Variants in KHDRBS2 observed in about 807,000 individuals in gnomAD.
KHDRBS2 encodes the protein KH domain-containing, RNA-binding, signal transduction-associated protein 2.
A neutral mutation model predicts 44.3 loss-of-function variants in KHDRBS2; 26 were observed. The observed-to-expected ratio is 0.59, with a 90% CI of 0.43 to 0.81. KHDRBS2 has a LOEUF of 0.81. Among genes scored for constraint, KHDRBS2 ranks in the 40% least tolerant of loss-of-function variants. The probability of loss-of-function intolerance (pLI) is 0.00; values close to 1 mark genes in which losing one functional copy is unlikely to be tolerated. For missense variants in KHDRBS2, 476 were observed against 433.1 expected (o/e 1.10, Z -0.88); for synonymous variants, 194 against 151.1 (o/e 1.28, Z -2.08).
At chr6:61,870,287 C>T (rs538781741) in intron 6 of KHDRBS2, among the ~76,000 whole-genome samples, 17 of 152,126 alleles carry the variant, frequency 1.1e-4, no homozygotes, top group East Asian at 3.9e-4. Context: ...GAAGTTCGAA[C>T]GGGACGGAGC....
chr6:61,662,085 A>G, the KHDRBS2 span, among the ~76,000 whole-genome samples: 1 of 152,134 alleles, frequency 6.6e-6, no homozygotes, highest in African/African-American at 2.4e-5. Context: ...GCCCTCAGAA[A>G]TAATGCTGCA....
the KHDRBS2 span, among the ~76,000 whole-genome samples, chr6:61,673,656 A>G: frequency 7.3e-6 from 1 of 137,866 alleles, no homozygotes. Context: ...CCAAATCATG[A>G]GTGAACTCCC....
chr6:62,264,896 T>A (rs1421908620), intron 1 of KHDRBS2, among the ~76,000 whole-genome samples: 2 of 151,760 alleles, frequency 1.3e-5, no homozygotes, highest in Non-Finnish European at 2.9e-5. Flanking sequence ...GTCCCACAAA[T>A]ACAACTTCAC....
intron 2 of KHDRBS2, among the ~76,000 whole-genome samples, chr6:62,065,528 C>T (rs1793410677): frequency 1.3e-5 from 2 of 149,108 alleles, no homozygotes; most frequent in South Asian, 2.1e-4. Context: ...TAAACTATCG[C>T]AAGAACAAAA....
intron 6 of KHDRBS2, among the ~76,000 whole-genome samples, chr6:61,773,343 T>C (rs1400819006): frequency 2.0e-5 from 3 of 152,016 alleles, no homozygotes; most frequent in African/African-American, 7.2e-5. Context: ...CTAACTGGTG[T>C]GAGATGGTAT....
intron 1 of KHDRBS2, among the ~76,000 whole-genome samples, chr6:62,196,521 T>C (rs933524386): frequency 2.0e-5 from 3 of 152,120 alleles, no homozygotes; most frequent in Non-Finnish European, 4.4e-5. Context: ...AAGCTCCCTG[T>C]ACAGACTCAT....
intron 4 of KHDRBS2, among the ~76,000 whole-genome samples, chr6:61,947,019 A>G (rs1209000052): frequency 3.3e-5 from 5 of 152,202 alleles, no homozygotes; most frequent in Non-Finnish European, 7.3e-5. Flanking sequence ...ATCATCTTTT[A>G]AAATTGTATT....
chr6:61,545,990 C>A, the KHDRBS2 span, among the ~76,000 whole-genome samples: 29,040 of 152,070 alleles, frequency 0.19, 2,910 homozygotes, highest in African/African-American at 0.23. Flanking sequence ...AAGTAAATTT[C>A]TGTTGTTTAA....
At chr6:62,202,816 G>A (rs1827259954) in intron 1 of KHDRBS2, among the ~76,000 whole-genome samples, 1 of 152,086 alleles carries the variant, frequency 6.6e-6, no homozygotes, top group South Asian at 2.1e-4. Flanking sequence ...CTCAAGCAAG[G>A]GATCCCTGTT....
At chr6:61,826,575 T>C (rs1790899161) in intron 6 of KHDRBS2, among the ~76,000 whole-genome samples, 1 of 152,058 alleles carries the variant, frequency 6.6e-6, no homozygotes, top group African/African-American at 2.4e-5. Flanking sequence ...TTTGTTGAGC[T>C]CTTTTCATTT....
At chr6:61,548,831 A>C in the KHDRBS2 span, among the ~76,000 whole-genome samples, 3 of 152,116 alleles carry the variant, frequency 2.0e-5, no homozygotes, top group Admixed American at 6.6e-5. Flanking sequence ...ATTGGCCATT[A>C]ATATCAACCT....
intron 3 of KHDRBS2, among the ~76,000 whole-genome samples, chr6:62,020,202 C>T (rs1036645052): frequency 2.0e-5 from 3 of 151,796 alleles, no homozygotes; most frequent in African/African-American, 7.3e-5. Context: ...ATTTAATTGC[C>T]AAATATTTGG....
At chr6:61,587,943 A>C in the KHDRBS2 span, among the ~76,000 whole-genome samples, 1 of 152,198 alleles carries the variant, frequency 6.6e-6, no homozygotes. Flanking sequence ...ATCTGTGCTT[A>C]AGAAACAGCA....
At chr6:61,719,137 G>T (rs1404611376) in intron 7 of KHDRBS2, among the ~76,000 whole-genome samples, 1 of 152,072 alleles carries the variant, frequency 6.6e-6, no homozygotes, top group African/African-American at 2.4e-5. Flanking sequence ...GAAAAGCAAA[G>T]ACTTCCATTT....
chr6:61,712,023 T>A (rs909264219), intron 7 of KHDRBS2, among the ~76,000 whole-genome samples: 1 of 151,778 alleles, frequency 6.6e-6, no homozygotes, highest in Admixed American at 6.6e-5. Context: ...GGCTTGGCAC[T>A]CCCTGAGGTC....
rs150356118 is a variant in KHDRBS2 at position 62,093,154 on chromosome 6, T to G, written c.220-45160A>C. On this transcript the variant is annotated intron_variant, in intron 2 of 8. Coordinates refer to ENST00000281156, the MANE Select transcript of KHDRBS2 (RefSeq NM_152688.4). ...ACTCATTAAAAATCCTAAAGAAACT[T>G]TCAACAATATGTACAATAAAACAGG... 2.3e-3 allele frequency among the ~76,000 whole-genome samples: 353 copies of G among 151,612 alleles called. 15 individuals are homozygous for G. In the East Asian group the frequency reaches 0.061, roughly 26 times the overall value.
chr6:62,001,265 T>A (rs1778187204), intron 3 of KHDRBS2, among the ~76,000 whole-genome samples: 2 of 152,144 alleles, frequency 1.3e-5, no homozygotes, highest in African/African-American at 4.8e-5. Flanking sequence ...TTAAAAACCA[T>A]CAACTATACA....
intron 4 of KHDRBS2, among the ~76,000 whole-genome samples, chr6:61,967,252 T>G (rs1026663839): frequency 1.4e-5 from 2 of 147,116 alleles, no homozygotes; most frequent in African/African-American, 5.0e-5. Flanking sequence ...AATTTCAGAC[T>G]TAAAAGAAAT....
At chr6:62,023,578 T>C (rs1398110884) in intron 3 of KHDRBS2, among the ~76,000 whole-genome samples, 2 of 151,598 alleles carry the variant, frequency 1.3e-5, no homozygotes, top group East Asian at 3.9e-4. Flanking sequence ...GTTTTTTAAA[T>C]GCCTAAATGA....
Sources: allele counts gnomAD v4.1 joint callset (sites outside exome capture counted in the v4.1 genomes callset), GRCh38; gene constraint gnomAD v4.1.1; transcripts MANE v1.5; gene names NCBI Gene and HGNC (gene_info 2026-07-23, HGNC 2026-07-21).